FBXL4: variants seen among roughly 807,000 people sequenced by gnomAD.
The protein encoded by FBXL4 is F-box and leucine rich repeat protein 4, also known as F-box/LRR-repeat protein 4.
A neutral mutation model predicts 58.9 loss-of-function variants in FBXL4; 40 were observed. The ratio of observed to expected loss-of-function variants is 0.68; its 90% CI spans 0.53 to 0.88. FBXL4 has a LOEUF of 0.88. FBXL4 is among the 40% of genes least tolerant of loss of function. The pLI is 0.00. For missense variants in FBXL4, 676 were observed against 734.4 expected, an observed-to-expected ratio of 0.92 and a Z score of 0.92; for synonymous variants, 263 against 265.5, an observed-to-expected ratio of 0.99 and a Z score of 0.09.
intron 5 of FBXL4, among the ~76,000 whole-genome samples, chr6:98,915,053 T>C (rs1396819179): frequency 6.6e-6 from 1 of 152,220 alleles, no homozygotes; most frequent in Non-Finnish European, 1.5e-5. Flanking sequence ...AAATCATGAT[T>C]GAACTCCCAT....
intron 2 of FBXL4, among the ~76,000 whole-genome samples, chr6:98,934,398 CAA>C (rs538726586): frequency 1.8e-5 from 2 of 108,778 alleles, no homozygotes; most frequent in Non-Finnish European, 1.9e-5. Context: ...GACTCCGTCT[CAA>C]AAAAAAAAAA....
rs777819311 is a variant in FBXL4, at chr6:98,899,436, A to G, written c.1149T>C (p.Ser383=). Residue 383 remains serine (S), a synonymous_variant, in exon 7 of 10, where the codon TCT becomes TCC. Coordinates refer to ENST00000369244, the MANE Select transcript of FBXL4 (RefSeq NM_001278716.2). ...CGSELVRLEL[S]CSHFLNETCL... ...AAGTTTCATTAAGAAAGTGGCTGCAAGACAATTCAAGGCGTACTAATTCGG... is the reference window on the plus strand; with the variant it reads ...AAGTTTCATTAAGAAAGTGGCTGCAGGACAATTCAAGGCGTACTAATTCGG... 14 of 1,613,850 alleles carry G rather than the reference A, an allele frequency of 8.7e-6. No individual in the cohort carries two copies. The highest frequency in any genetic ancestry group is 1.1e-5 in the Non-Finnish European group (13 of 1,179,930).
chr6:98,912,044 G>A (rs1772099234), intron 5 of FBXL4, among the ~76,000 whole-genome samples: 3 of 152,294 alleles, frequency 2.0e-5, no homozygotes, highest in African/African-American at 7.2e-5. Context: ...AGCCTCAGGA[G>A]CCCATGCAAT....
intron 5 of FBXL4, 73 bp downstream of exon 5, chr6:98,917,301 T>G: frequency 9.7e-7 from 1 of 1,028,772 alleles, no homozygotes. Flanking sequence ...CGATGCTCAG[T>G]AAACATTAAT....
chr6:98,910,644 G>A (rs1460586706), intron 5 of FBXL4, among the ~76,000 whole-genome samples: 9 of 150,924 alleles, frequency 6.0e-5, no homozygotes, highest in East Asian at 2.0e-4. Flanking sequence ...GCAACAGAGC[G>A]AGACTCCATC....
At chr6:98,918,708 T>G (rs911162674) in intron 4 of FBXL4, among the ~76,000 whole-genome samples, 1 of 152,218 alleles carries the variant, frequency 6.6e-6, no homozygotes, top group African/African-American at 2.4e-5. Context: ...ATTATTTACT[T>G]TTGCTAGTAA....
intron 6 of FBXL4, among the ~76,000 whole-genome samples, chr6:98,903,892 C>G (rs1040491144): frequency 6.6e-6 from 1 of 152,050 alleles, no homozygotes; most frequent in Admixed American, 6.6e-5. Context: ...TCTTTATCTT[C>G]TCTGTAGCCT....
intron 4 of FBXL4, among the ~76,000 whole-genome samples, chr6:98,924,537 A>T (rs571764450): frequency 7.0e-4 from 107 of 152,236 alleles, no homozygotes; most frequent in Admixed American, 1.9e-3. Flanking sequence ...AGCCTGGGCG[A>T]CAGAGTGAGA....
At chr6:98,922,665 C>A (rs1772627833) in intron 4 of FBXL4, among the ~76,000 whole-genome samples, 1 of 152,196 alleles carries the variant, frequency 6.6e-6, no homozygotes, top group East Asian at 1.9e-4. Flanking sequence ...AATCATTTCA[C>A]AAATTTGTCA....
chr6:98,913,021 G>A (rs368499218), intron 5 of FBXL4, among the ~76,000 whole-genome samples: 5 of 152,080 alleles, frequency 3.3e-5, no homozygotes, highest in Non-Finnish European at 7.4e-5. Context: ...GGCAGGGGTT[G>A]CAATCCTAGT....
At chr6:98,886,463 A>G (rs1400842169) in intron 7 of FBXL4, among the ~76,000 whole-genome samples, 1 of 152,202 alleles carries the variant, frequency 6.6e-6, no homozygotes, top group African/African-American at 2.4e-5. Flanking sequence ...CCTAATGACT[A>G]TACTTTATTT....
chr6:98,936,606 T>G (rs1265479815), intron 1 of FBXL4, among the ~76,000 whole-genome samples: 2 of 152,226 alleles, frequency 1.3e-5, no homozygotes, highest in African/African-American at 4.8e-5. Flanking sequence ...AAATATATTT[T>G]CTTTTCCTCA....
intron 8 of FBXL4, among the ~76,000 whole-genome samples, chr6:98,878,473 T>C (rs936306056): frequency 1.3e-5 from 2 of 151,884 alleles, no homozygotes; most frequent in Admixed American, 6.6e-5. Context: ...TCCAGAGTAG[T>C]TGGGACTATA....
At chr6:98,887,869 CA>C in intron 7 of FBXL4, among the ~76,000 whole-genome samples, 1 of 152,294 alleles carries the variant, frequency 6.6e-6, no homozygotes, top group South Asian at 2.1e-4. Context: ...CACAAATTAA[CA>C]CAGTTTCATG....
chr6:98,877,434 G>C (rs1221604179), intron 8 of FBXL4, among the ~76,000 whole-genome samples: 1 of 152,140 alleles, frequency 6.6e-6, no homozygotes, highest in Non-Finnish European at 1.5e-5. Flanking sequence ...AGAACACAGT[G>C]AGAAATTCCT....
At chr6:98,886,539 A>T (rs1016372604) in intron 7 of FBXL4, among the ~76,000 whole-genome samples, 1 of 152,118 alleles carries the variant, frequency 6.6e-6, no homozygotes, top group Non-Finnish European at 1.5e-5. Flanking sequence ...ATGTTTCAAA[A>T]TTTCTAGTTC....
rs536829854 is a variant in FBXL4 at position 98,934,866 on chromosome 6, C to T, written c.-295G>A. ...AAATGGAGAAGGCAAGGGAACCAGG[C>T]CAGGAAGAAAAATCTAAAAGCAGAG... On this transcript the variant is annotated 5_prime_UTR_variant, in exon 2 of 10. Coordinates refer to ENST00000369244, the MANE Select transcript of FBXL4 (RefSeq NM_001278716.2). 2 of 152,222 alleles carry T rather than the reference C, an allele frequency of 1.3e-5. No homozygotes were observed. The highest frequency in any genetic ancestry group is 2.9e-5 in the Non-Finnish European group (2 of 68,044). 9.4% of individuals were successfully genotyped at this position (152,222 alleles called of 1,614,324 possible). A position where few individuals can be genotyped will look rare whatever the true frequency, so the allele number is the denominator to read the frequency against.
intron 9 of FBXL4, chr6:98,875,133 G>T: frequency 2.6e-6 from 1 of 386,056 alleles, no homozygotes; most frequent in South Asian, 3.0e-5. Flanking sequence ...CGCAGCTCAT[G>T]TAAATTCTCA....
At chr6:98,899,077 T>A (rs748499851) in intron 7 of FBXL4, 191 bp downstream of exon 7, 1 of 985,208 alleles carries the variant, frequency 1.0e-6, no homozygotes. Context: ...CATTTCCTTA[T>A]AATTTAAAAG....
Sources: allele counts gnomAD v4.1 joint callset (sites outside exome capture counted in the v4.1 genomes callset), GRCh38; gene constraint gnomAD v4.1.1; transcripts MANE v1.5; gene names NCBI Gene and HGNC (gene_info 2026-07-23, HGNC 2026-07-21).